Variants in GAP43 observed in about 807,000 individuals in gnomAD.
The protein encoded by GAP43 is growth associated protein 43, also known as neuromodulin.
A neutral mutation model predicts 18.6 loss-of-function variants in GAP43; 6 were observed. The ratio of observed to expected loss-of-function variants is 0.32; its 90% CI spans 0.18 to 0.64. The LOEUF (loss-of-function observed/expected upper bound fraction) is 0.64. GAP43 is among the 30% of genes least tolerant of loss of function. The pLI is 0.78. For synonymous variants in GAP43, 115 were observed against 111.4 expected, an observed-to-expected ratio of 1.03 and a Z score of -0.20; for missense variants, 292 against 295.5, an observed-to-expected ratio of 0.99 and a Z score of 0.09.
chr3:115,705,644 A>G (rs1289211898), intron 2 of GAP43, among the ~76,000 whole-genome samples: 1 of 152,154 alleles, frequency 6.6e-6, no homozygotes, highest in Admixed American at 6.5e-5. Context: ...AAAAAACCCA[A>G]ACTTTTGAAA....
chr3:115,679,956 G>C (rs923299771), intron 2 of GAP43, among the ~76,000 whole-genome samples: 2 of 152,268 alleles, frequency 1.3e-5, no homozygotes, highest in Admixed American at 6.5e-5. Context: ...TAATGATCAA[G>C]AAAAGAGGGA....
chr3:115,662,249 C>T (rs1024501174), intron 1 of GAP43, among the ~76,000 whole-genome samples: 9 of 152,304 alleles, frequency 5.9e-5, no homozygotes, highest in African/African-American at 1.9e-4. Context: ...ACTGCACTAT[C>T]GCCACCAGCT....
intron 2 of GAP43, among the ~76,000 whole-genome samples, chr3:115,704,085 A>G (rs150249896): frequency 6.6e-6 from 1 of 152,208 alleles, no homozygotes; most frequent in Admixed American, 6.5e-5. Flanking sequence ...TTGTCCCAGT[A>G]AGAGATGGAG....
intron 1 of GAP43, among the ~76,000 whole-genome samples, chr3:115,667,464 A>G (rs1448648299): frequency 6.6e-6 from 1 of 152,192 alleles, no homozygotes; most frequent in Non-Finnish European, 1.5e-5. Context: ...TAGATGAACA[A>G]TCATTATTTG....
At position 115,721,057 on chromosome 3, in the gene GAP43, A is replaced by AT; in HGVS notation, c.*175_*176insT. On this transcript the variant is annotated 3_prime_UTR_variant, in exon 3 of 3. Coordinates refer to ENST00000305124, the MANE Select transcript of GAP43 (RefSeq NM_002045.4). ...TGTGTGGCAAACATTTAAAAAAAAAAAAAAAAAGCAGGAAAGATCCCAAGT... is the reference window on the plus strand; with the variant it reads ...TGTGTGGCAAACATTTAAAAAAAAAATAAAAAAAGCAGGAAAGATCCCAAGT... 2.8e-6 allele frequency: 1 copy of AT among 354,698 alleles called. No individual in the cohort carries two copies. The highest frequency in any genetic ancestry group is 5.2e-6 in the Non-Finnish European group (1 of 193,784). 22.0% of individuals were successfully genotyped at this position (354,698 alleles called of 1,614,324 possible).
At chr3:115,637,778 G>A (rs1708347695) in intron 1 of GAP43, among the ~76,000 whole-genome samples, 1 of 151,932 alleles carries the variant, frequency 6.6e-6, no homozygotes, top group African/African-American at 2.4e-5. Flanking sequence ...ATCTCAACAG[G>A]TCTTAAAAGT....
intron 2 of GAP43, among the ~76,000 whole-genome samples, chr3:115,690,904 C>A (rs370751542): frequency 2.0e-5 from 3 of 151,792 alleles, no homozygotes; most frequent in Non-Finnish European, 4.4e-5. Flanking sequence ...TACAGGCACC[C>A]GCCACCATGC....
intron 2 of GAP43, among the ~76,000 whole-genome samples, chr3:115,703,011 G>A (rs577999603): frequency 1.3e-5 from 2 of 152,164 alleles, no homozygotes; most frequent in South Asian, 2.1e-4. Context: ...AAAGCAAAAG[G>A]CTAAGGAACT....
chr3:115,634,103 GA>G, intron 1 of GAP43, among the ~76,000 whole-genome samples: 1 of 152,170 alleles, frequency 6.6e-6, no homozygotes, highest in South Asian at 2.1e-4. Flanking sequence ...ATTTTAAAAT[GA>G]AAGTTGGGAA....
chr3:115,648,939 T>C (rs562145572), intron 1 of GAP43, among the ~76,000 whole-genome samples: 1 of 152,188 alleles, frequency 6.6e-6, no homozygotes, highest in African/African-American at 2.4e-5. Flanking sequence ...ATTGATAATC[T>C]CTGAGTGGGT....
chr3:115,675,966 A>G (rs1708877661), intron 1 of GAP43, 47 bp from the exon 2 acceptor site: 1 of 1,544,914 alleles, frequency 6.5e-7, no homozygotes, highest in African/African-American at 1.4e-5. Context: ...TTTAAAGGAG[A>G]AGAATGTCAT....
At chr3:115,689,460 A>G (rs1467419223) in intron 2 of GAP43, among the ~76,000 whole-genome samples, 4 of 152,196 alleles carry the variant, frequency 2.6e-5, no homozygotes, top group Non-Finnish European at 5.9e-5. Flanking sequence ...GGAAAGAACC[A>G]TTTAATTTTT....
intron 2 of GAP43, among the ~76,000 whole-genome samples, chr3:115,683,441 C>T (rs112187478): frequency 6.6e-6 from 1 of 152,016 alleles, no homozygotes; most frequent in Non-Finnish European, 1.5e-5. Flanking sequence ...GTTTCTAATC[C>T]CGTCTTACAC....
At chr3:115,692,647 G>A (rs1287674922) in intron 2 of GAP43, among the ~76,000 whole-genome samples, 3 of 152,180 alleles carry the variant, frequency 2.0e-5, no homozygotes, top group African/African-American at 7.2e-5. Context: ...AGTAGTTTGT[G>A]CCAGTGAGGA....
At chr3:115,719,053 C>T (rs566474700) in intron 2 of GAP43, among the ~76,000 whole-genome samples, 25 of 152,158 alleles carry the variant, frequency 1.6e-4, no homozygotes, top group Non-Finnish European at 3.1e-4. Flanking sequence ...GTTTAATCTC[C>T]TCAAAGCATA....
intron 2 of GAP43, among the ~76,000 whole-genome samples, chr3:115,719,327 T>C (rs1174766439): frequency 1.3e-5 from 2 of 152,200 alleles, no homozygotes; most frequent in African/African-American, 4.8e-5. Flanking sequence ...AAGGCTTGTT[T>C]GTAAAGTTGA....
intron 1 of GAP43, among the ~76,000 whole-genome samples, chr3:115,668,170 GT>G (rs1035711938): frequency 2.0e-5 from 3 of 152,138 alleles, no homozygotes; most frequent in Admixed American, 1.3e-4. Context: ...ATATCCAAAA[GT>G]TTTCTAGAGG....
In GAP43 at chr3:115,628,207, G is replaced by A. The variant is rs186687558; in HGVS notation, c.30+4488G>A. On this transcript the variant is annotated intron_variant, in intron 1 of 2. Transcript: ENST00000305124. Reference sequence around the variant, plus strand: ...ATGAGTTCCTTCTAGTCTTAGTTGAGCCTTCTGCTTGTGCTCTTGCTCCTC... The same window carrying A: ...ATGAGTTCCTTCTAGTCTTAGTTGAACCTTCTGCTTGTGCTCTTGCTCCTC... Among the ~76,000 whole-genome samples, 39 of 151,968 alleles carry A rather than the reference G, an allele frequency of 2.6e-4. 4 individuals carry two copies. The highest frequency in any genetic ancestry group is 8.9e-4 in the African/African-American group (37 of 41,482).
chr3:115,656,664 T>C (rs1708588248), intron 1 of GAP43, among the ~76,000 whole-genome samples: 1 of 152,206 alleles, frequency 6.6e-6, no homozygotes, highest in Non-Finnish European at 1.5e-5. Context: ...TAAAAGTGTA[T>C]CAGTGAAACA....
Sources: allele counts gnomAD v4.1 joint callset (sites outside exome capture counted in the v4.1 genomes callset), GRCh38; gene constraint gnomAD v4.1.1; transcripts MANE v1.5; gene names NCBI Gene and HGNC (gene_info 2026-07-23, HGNC 2026-07-21).